Variants in SNX6 observed in about 807,000 individuals in gnomAD.
SNX6 encodes the protein sorting nexin-6.
SNX6 carries 34 observed loss-of-function variants against 63.0 expected under a neutral mutation model. That is an observed-to-expected ratio of 0.54 (90% CI 0.41 to 0.72). The LOEUF is 0.72. Ranked by LOEUF, SNX6 falls within the 30% of genes least tolerant of loss-of-function variation. The pLI is 0.00. For synonymous variants in SNX6, 170 were observed against 164.2 expected (o/e 1.04, Z -0.27); for missense variants, 398 against 471.4 (o/e 0.84, Z 1.44).
chr14:34,565,687 T>C (rs1409474238), intron 13 of SNX6, among the ~76,000 whole-genome samples: 1 of 150,694 alleles, frequency 6.6e-6, no homozygotes, highest in African/African-American at 2.4e-5. Flanking sequence ...TGGCTGATTT[T>C]TTTTTTTTCT....
chr14:34,565,987 C>A (rs1417998038), intron 13 of SNX6, among the ~76,000 whole-genome samples: 1 of 152,090 alleles, frequency 6.6e-6, no homozygotes, highest in Non-Finnish European at 1.5e-5. Flanking sequence ...CCACGCCTGG[C>A]TGATTTTTGT....
intron 6 of SNX6, among the ~76,000 whole-genome samples, chr14:34,601,870 C>T (rs1490327307): frequency 6.6e-6 from 1 of 151,394 alleles, no homozygotes. Context: ...GCTGGGATTA[C>T]AGGTTACAGG....
intron 2 of SNX6, 98 bp from the exon 3 acceptor site, chr14:34,609,840 GATTATTAAGT>G (rs1440352692): frequency 2.6e-5 from 20 of 781,884 alleles, no homozygotes; most frequent in Non-Finnish European, 4.0e-5. Flanking sequence ...AATAACAAAA[GATTATTAAGT>G]CTAAAGAGGT....
intron 2 of SNX6, among the ~76,000 whole-genome samples, chr14:34,614,500 C>T (rs190798667): frequency 5.0e-4 from 76 of 152,054 alleles, no homozygotes; most frequent in Admixed American, 1.3e-3. Context: ...AAAACAGGAA[C>T]GTCAGGCAAA....
At chr14:34,623,563 G>C (rs886822778) in intron 2 of SNX6, among the ~76,000 whole-genome samples, 1 of 152,162 alleles carries the variant, frequency 6.6e-6, no homozygotes, top group African/African-American at 2.4e-5. Context: ...AGAGACTAAG[G>C]AGAGGTACTG....
Position 34,572,294 on chromosome 14 carries a change from C to T in SNX6, c.921+3462G>A, listed in dbSNP as rs575891137. On this transcript the variant is annotated intron_variant, in intron 11 of 13. Transcript: ENST00000362031. ...CCACATTTGGCTGGGAACAGTGGCT[C>T]ACAACTATAATCCCAACACCTTGGG... 7.9e-5 allele frequency among the ~76,000 whole-genome samples: 12 copies of T among 152,186 alleles called. No individual in the cohort carries two copies. The South Asian group carries it at 2.3e-3, about 29-fold the overall frequency.
At chr14:34,596,948 A>G (rs1163949913) in intron 7 of SNX6, among the ~76,000 whole-genome samples, 2 of 152,210 alleles carry the variant, frequency 1.3e-5, no homozygotes, top group African/African-American at 4.8e-5. Flanking sequence ...CTGGGATTAC[A>G]GGCATGGGCC....
intron 10 of SNX6, among the ~76,000 whole-genome samples, 196 bp from the exon 11 acceptor site, chr14:34,576,038 C>G (rs1881684138): frequency 6.6e-6 from 1 of 151,760 alleles, no homozygotes; most frequent in Non-Finnish European, 1.5e-5. Flanking sequence ...ATTCTCCTGC[C>G]TCAGCCTCCC....
Position 34,629,969 on chromosome 14 carries a change from G to A in SNX6, c.7-15C>T, listed in dbSNP as rs1233903064. 2.0e-6 allele frequency: 3 copies of A among 1,533,370 alleles called. No individual in the cohort carries two copies. In the African/African-American group the frequency reaches 4.2e-5, roughly 21 times the overall value. The allele number at this position is 1,533,370 out of a possible 1,614,324, so 95.0% of individuals were successfully genotyped here. ...TCCAGGCCTTCCTGTGGGGTCGGCGGGCACGGCGCGCCGGGGAAAAGGATG... is the reference window on the plus strand; with the variant it reads ...TCCAGGCCTTCCTGTGGGGTCGGCGAGCACGGCGCGCCGGGGAAAAGGATG... On this transcript the variant is annotated splice_polypyrimidine_tract_variant and intron_variant, in intron 1 of 13. Transcript: ENST00000362031.
chr14:34,575,532 T>C (rs902103353), intron 11 of SNX6: 1 of 222,278 alleles, frequency 4.5e-6, no homozygotes, highest in African/African-American at 2.3e-5. Flanking sequence ...CTAGATTATA[T>C]CAGAAGTATA....
At chr14:34,582,996 T>A (rs1250763795) in intron 9 of SNX6, among the ~76,000 whole-genome samples, 5 of 151,788 alleles carry the variant, frequency 3.3e-5, no homozygotes, top group African/African-American at 1.2e-4. Context: ...AATCCTGTAA[T>A]TAAACTACCC....
chr14:34,600,717 G>C (rs1882778131), intron 6 of SNX6, among the ~76,000 whole-genome samples: 1 of 152,044 alleles, frequency 6.6e-6, no homozygotes, highest in South Asian at 2.1e-4. Context: ...TTTTTTGCCA[G>C]CACTATGAAC....
intron 9 of SNX6, among the ~76,000 whole-genome samples, chr14:34,584,964 T>G (rs768875065): frequency 3.9e-4 from 59 of 152,168 alleles, no homozygotes; most frequent in Non-Finnish European, 3.4e-4. Flanking sequence ...GCGATTCTCC[T>G]GCCTCAGCCT....
At chr14:34,602,336 G>T (rs541423721) in intron 6 of SNX6, among the ~76,000 whole-genome samples, 95 of 151,916 alleles carry the variant, frequency 6.3e-4, no homozygotes, top group Non-Finnish European at 1.1e-3. Flanking sequence ...TGAGGCAGAA[G>T]AATTGCTTGA....
intron 3 of SNX6, among the ~76,000 whole-genome samples, chr14:34,608,766 G>A (rs940915454): frequency 2.0e-5 from 3 of 152,128 alleles, no homozygotes; most frequent in Non-Finnish European, 2.9e-5. Flanking sequence ...GGTGGCTCAC[G>A]CCTGTAATCC....
At chr14:34,584,782 G>A (rs199694351) in intron 9 of SNX6, among the ~76,000 whole-genome samples, 15 of 151,782 alleles carry the variant, frequency 9.9e-5, no homozygotes, top group Middle Eastern at 3.4e-3. Flanking sequence ...GAGTAAAGTC[G>A]ATTTTTATTT....
chr14:34,599,554 C>G (rs1882725402), intron 6 of SNX6, among the ~76,000 whole-genome samples: 1 of 151,550 alleles, frequency 6.6e-6, no homozygotes, highest in African/African-American at 2.4e-5. Flanking sequence ...TTGCCATGAG[C>G]CAATATCACG....
At chr14:34,582,568 T>C (rs1056741423) in intron 9 of SNX6, among the ~76,000 whole-genome samples, 3 of 151,936 alleles carry the variant, frequency 2.0e-5, no homozygotes, top group African/African-American at 7.3e-5. Context: ...TTGTTGTTAT[T>C]GAGACTGAAT....
At chr14:34,581,310 C>T (rs977452202) in intron 10 of SNX6, among the ~76,000 whole-genome samples, 4 of 152,260 alleles carry the variant, frequency 2.6e-5, no homozygotes, top group South Asian at 2.1e-4. Context: ...TGCGTCACCA[C>T]GCCCAACTAA....
Sources: allele counts gnomAD v4.1 joint callset (sites outside exome capture counted in the v4.1 genomes callset), GRCh38; gene constraint gnomAD v4.1.1; transcripts MANE v1.5; gene names NCBI Gene and HGNC (gene_info 2026-07-23, HGNC 2026-07-21).